Variants in TCOF1 observed in about 807,000 individuals in gnomAD.
TCOF1 encodes the protein treacle ribosome biogenesis factor 1, also known as treacle protein.
A neutral mutation model predicts 149.0 loss-of-function variants in TCOF1; 33 were observed. The ratio of observed to expected loss-of-function variants is 0.22; its 90% CI spans 0.17 to 0.30. The LOEUF (loss-of-function observed/expected upper bound fraction) is 0.30. Among genes scored for constraint, TCOF1 ranks in the 10% least tolerant of loss-of-function variants. TCOF1 has a pLI of 1.00. For missense variants in TCOF1, 1,728 were observed against 1,840.7 expected (o/e 0.94, Z 1.12); for synonymous variants, 789 against 738.8 (o/e 1.07, Z -1.10).
chr5:150,359,988 A>G (rs935748524), intron 1 of TCOF1, among the ~76,000 whole-genome samples: 1 of 152,158 alleles, frequency 6.6e-6, no homozygotes, highest in South Asian at 2.1e-4. Flanking sequence ...ATTCCAGACA[A>G]GAAGAATAGC....
chr5:150,398,124 G>A (rs1033296460), intron 24 of TCOF1, among the ~76,000 whole-genome samples: 4 of 152,140 alleles, frequency 2.6e-5, no homozygotes, highest in African/African-American at 9.7e-5. Flanking sequence ...GTCTCACTAT[G>A]TTGCCCAAGC....
chr5:150,374,095 G>T (rs1763148974), intron 7 of TCOF1, 79 bp from the exon 8 acceptor site: 2 of 1,473,384 alleles, frequency 1.4e-6, no homozygotes, highest in Admixed American at 3.9e-5. Context: ...CCTCATTAAG[G>T]CCTCTGGACT....
At chr5:150,389,300 T>A (rs1766927055) in intron 18 of TCOF1, among the ~76,000 whole-genome samples, 1 of 152,254 alleles carries the variant, frequency 6.6e-6, no homozygotes, top group South Asian at 2.1e-4. Context: ...CTGTATCTAA[T>A]GTTCAGTAAC....
In TCOF1 at chr5:150,390,031, G is replaced by T. The variant is rs922182611; in HGVS notation, c.3183+8G>T. 6.2e-7 allele frequency: 1 copy of T among 1,603,854 alleles called. No individual in the cohort carries two copies. The highest frequency in any genetic ancestry group is 8.5e-7 in the Non-Finnish European group (1 of 1,175,084). On this transcript the variant is annotated splice_region_variant and intron_variant, in intron 19 of 26. Transcript: ENST00000643257. ...GAGGGACCAGCCACTCAGGTACCTGGTGGGCAAGGGAGGGTAATGCAGGCC... is the reference window on the plus strand; with the variant it reads ...GAGGGACCAGCCACTCAGGTACCTGTTGGGCAAGGGAGGGTAATGCAGGCC...
At chr5:150,383,564 G>A (rs1172957887) in intron 17 of TCOF1, among the ~76,000 whole-genome samples, 1 of 152,248 alleles carries the variant, frequency 6.6e-6, no homozygotes, top group Non-Finnish European at 1.5e-5. Flanking sequence ...CCCTGCCTAA[G>A]AAAGGGTGCC....
At chr5:150,394,014 A>G (rs1767943617) in intron 23 of TCOF1, 1 of 207,414 alleles carries the variant, frequency 4.8e-6, no homozygotes, top group Admixed American at 5.3e-5. Context: ...CTGTCTCAAA[A>G]AAAAAGTACA....
At chr5:150,393,915 G>A (rs1401799512) in intron 23 of TCOF1, 19 of 326,584 alleles carry the variant, frequency 5.8e-5, no homozygotes, top group Non-Finnish European at 6.0e-6. Context: ...AGAGGCCAAG[G>A]CAGAAGAATG....
At chr5:150,369,661 C>G (rs1021027814) in intron 6 of TCOF1, 59 bp downstream of exon 6, 31 of 1,582,706 alleles carry the variant, frequency 2.0e-5, no homozygotes, top group Non-Finnish European at 2.7e-5. Flanking sequence ...TTCCAGGAAC[C>G]TGTCTGGGGC....
At chr5:150,369,029 T>A in intron 5 of TCOF1, 127 bp downstream of exon 5, 1 of 1,264,230 alleles carries the variant, frequency 7.9e-7, no homozygotes, top group Non-Finnish European at 1.1e-6. Context: ...GCCAGGTTCC[T>A]GCATCTTAGG....
At chr5:150,370,038 G>T (rs1016896477) in intron 6 of TCOF1, among the ~76,000 whole-genome samples, 1 of 152,194 alleles carries the variant, frequency 6.6e-6, no homozygotes, top group South Asian at 2.1e-4. Flanking sequence ...ACTGGTGAAT[G>T]CCAGGCCTAG....
intron 4 of TCOF1, chr5:150,368,187 T>A: frequency 2.1e-6 from 1 of 473,552 alleles, no homozygotes; most frequent in Non-Finnish European, 3.9e-6. Flanking sequence ...CTTTCATGCC[T>A]GCGTTCACCC....
At chr5:150,361,956 G>C (rs146073999) in intron 2 of TCOF1, among the ~76,000 whole-genome samples, 1 of 152,220 alleles carries the variant, frequency 6.6e-6, no homozygotes, top group African/African-American at 2.4e-5. Context: ...GGGTGAAAAA[G>C]TGAGGAGATT....
At chr5:150,377,126 C>T (rs1404495811) in intron 14 of TCOF1, among the ~76,000 whole-genome samples, 1 of 152,194 alleles carries the variant, frequency 6.6e-6, no homozygotes, top group Admixed American at 6.5e-5. Context: ...GCAGAGGAAG[C>T]AGTCTGTGCG....
rs554635040 is a variant in TCOF1, at chr5:150,388,909, G to A, written c.3046+821G>A. ...TGTGCCACAGCACTCCAGCCTGGGC[G>A]ACAGTGAGACTGTCTCAAAAAAACA... On this transcript the variant is annotated intron_variant, in intron 18 of 26. Transcript: ENST00000643257. Among the ~76,000 whole-genome samples, 14 of 152,170 alleles carry A rather than the reference G, an allele frequency of 9.2e-5. No individual in the cohort carries two copies. In the South Asian group the frequency reaches 1.5e-3, roughly 16 times the overall value.
At chr5:150,376,765 C>T (rs1763904860) in intron 14 of TCOF1, 145 bp downstream of exon 14, 1 of 827,488 alleles carries the variant, frequency 1.2e-6, no homozygotes, top group Admixed American at 2.0e-5. Context: ...CCCTATCTTT[C>T]ACTCCATGTC....
intron 3 of TCOF1, among the ~76,000 whole-genome samples, chr5:150,366,296 A>T (rs1471899172): frequency 6.6e-6 from 1 of 151,998 alleles, no homozygotes; most frequent in Non-Finnish European, 1.5e-5. Flanking sequence ...GGTTGCAGTG[A>T]GCTATGAATG....
At position 150,358,005 on chromosome 5, in the gene TCOF1, G is replaced by T. The variant is rs1263407373; in HGVS notation, c.108+151G>T. 43 of 698,716 alleles carry T rather than the reference G, an allele frequency of 6.2e-5. No homozygotes were observed. In the East Asian group the frequency reaches 1.3e-3, roughly 21 times the overall value. 43.3% of individuals were successfully genotyped at this position (698,716 alleles called of 1,614,324 possible). ...CGCGGCCAGGGGTACCGGAGGAGCC[G>T]CAATCTCTGCCTTCCCACTGCGACT... On this transcript the variant is annotated intron_variant, in intron 1 of 26. Coordinates refer to ENST00000643257, the MANE Select transcript of TCOF1 (RefSeq NM_001371623.1).
In TCOF1 at chr5:150,376,190, A is replaced by C. The variant is rs1763758703; in HGVS notation, c.2002A>C (p.Lys668Gln). 6.2e-7 allele frequency: 1 copy of C among 1,614,190 alleles called. No individual in the cohort carries two copies. Among genetic ancestry groups the C allele is most frequent in the Non-Finnish European group, 8.5e-7 (1 of 1,180,016 alleles). ...GCGAGTGGGCACCCAAGCCCCCCGG[A>C]AAGCAGGAACTGCGACTTCTCCAGC... Reference protein sequence around the residue: ...PVRVGTQAPRKAGTATSPAGS... With the variant: ...PVRVGTQAPRQAGTATSPAGS... The change falls in exon 13 of 27, where the codon AAA becomes CAA. Residue 668 changes from lysine to glutamine, a missense_variant. Coordinates refer to ENST00000643257, the MANE Select transcript of TCOF1 (RefSeq NM_001371623.1).
intron 2 of TCOF1, 38 bp downstream of exon 2, chr5:150,361,249 C>G: frequency 6.2e-7 from 1 of 1,611,534 alleles, no homozygotes; most frequent in South Asian, 1.1e-5. Context: ...TAGGGACGGA[C>G]ACCCCAAGCA....
Sources: allele counts gnomAD v4.1 joint callset (sites outside exome capture counted in the v4.1 genomes callset), GRCh38; gene constraint gnomAD v4.1.1; transcripts MANE v1.5; gene names NCBI Gene and HGNC (gene_info 2026-07-23, HGNC 2026-07-21).